The following DOCK5 variants were observed in gnomAD, a reference collection of about 807,000 sequenced individuals.
DOCK5 encodes the protein dedicator of cytokinesis protein 5.
Under a neutral mutation model 251.8 loss-of-function variants are expected in DOCK5, and 142 were observed. That is an observed-to-expected ratio of 0.56 (90% CI 0.49 to 0.65). The LOEUF is 0.65. Among genes scored for constraint, DOCK5 ranks in the 30% least tolerant of loss-of-function variants. The pLI, the probability that DOCK5 is intolerant of heterozygous loss-of-function variation, is 0.00. For synonymous variants in DOCK5, 842 were observed against 835.5 expected (o/e 1.01, Z -0.13); for missense variants, 2,111 against 2,312.3 (o/e 0.91, Z 1.79).
At chr8:25,324,889 A>T (rs1195995739) in intron 17 of DOCK5, among the ~76,000 whole-genome samples, 1 of 148,374 alleles carries the variant, frequency 6.7e-6, no homozygotes, top group African/African-American at 2.5e-5. Context: ...GAGTGAGAAC[A>T]TGCGGTGTTT....
intron 18 of DOCK5, among the ~76,000 whole-genome samples, chr8:25,326,477 C>T (rs1805566174): frequency 2.0e-5 from 3 of 152,150 alleles, no homozygotes; most frequent in Admixed American, 1.3e-4. Flanking sequence ...TGGCTAGACT[C>T]CACAGAGTGA....
chr8:25,325,478 A>C lies in DOCK5; in HGVS notation c.1834A>C (p.Ser612Arg). ...CAAAAACCTGGTCACCTTCACCCCA[A>C]GCAAGGATAGCACTAAAGACAGCTT... ...ASKNLVTFTPSKDSTKDSFQI... is the reference protein window; with the variant it reads ...ASKNLVTFTPRKDSTKDSFQI... The change falls in exon 18 of 52, where the codon AGC (serine) becomes CGC (arginine). Residue 612 changes from serine to arginine, a missense_variant. Ser to Arg is a moderately radical substitution (Grantham distance 110). Coordinates refer to ENST00000276440, the MANE Select transcript of DOCK5 (RefSeq NM_024940.8). 6.2e-7 allele frequency: 1 copy of C among 1,613,914 alleles called. No homozygotes were observed. The highest frequency in any genetic ancestry group is 1.1e-5 in the South Asian group (1 of 91,082).
intron 45 of DOCK5, 66 bp from the exon 46 acceptor site, chr8:25,399,845 C>A: frequency 7.9e-7 from 1 of 1,273,402 alleles, no homozygotes; most frequent in Non-Finnish European, 1.1e-6. Flanking sequence ...CATGTTTCAC[C>A]CTTCCAGGCT....
intron 12 of DOCK5, 71 bp downstream of exon 12, chr8:25,308,996 C>G: frequency 6.5e-7 from 1 of 1,539,080 alleles, no homozygotes. Context: ...GGTCCTTGGA[C>G]TCCTGCCCTT....
chr8:25,327,997 A>C (rs1805602859), intron 18 of DOCK5, among the ~76,000 whole-genome samples: 1 of 152,136 alleles, frequency 6.6e-6, no homozygotes, highest in African/African-American at 2.4e-5. Flanking sequence ...GCAAATACAT[A>C]CAATTTTTAT....
chr8:25,410,347 A>T (rs1801600266), intron 51 of DOCK5, 145 bp downstream of exon 51: 1 of 675,160 alleles, frequency 1.5e-6, no homozygotes, highest in African/African-American at 1.8e-5. Flanking sequence ...AAACCACAGG[A>T]GATAGAGAAG....
At chr8:25,279,552 C>T (rs940546955) in intron 5 of DOCK5, among the ~76,000 whole-genome samples, 3 of 151,926 alleles carry the variant, frequency 2.0e-5, no homozygotes, top group Non-Finnish European at 2.9e-5. Context: ...CTGCAAGCTC[C>T]GCCTCTTGGG....
intron 15 of DOCK5, 127 bp from the exon 16 acceptor site, chr8:25,320,853 A>T: frequency 1.3e-6 from 1 of 752,900 alleles, no homozygotes; most frequent in Non-Finnish European, 2.2e-6. Flanking sequence ...AATGAAACCT[A>T]TACCAAATCT....
chr8:25,304,557 G>A, intron 11 of DOCK5: 1 of 458,382 alleles, frequency 2.2e-6, no homozygotes, highest in Non-Finnish European at 3.8e-6. Context: ...AAGCATCAAA[G>A]GAATATAAAA....
intron 1 of DOCK5, among the ~76,000 whole-genome samples, chr8:25,207,165 C>T (rs575309108): frequency 6.6e-6 from 1 of 151,956 alleles, no homozygotes; most frequent in Admixed American, 6.6e-5. Context: ...ATTGATCGAC[C>T]ATAAGATTCA....
rs1481082296 is a variant in DOCK5 at position 25,254,785 on chromosome 8, AAAC to A, written c.127+11031_127+11033del. Reference sequence around the variant, plus strand: ...CAAGACTTTGTCTCAAAAAAAAACAAAACAAAACAAAAAAAAAAAACATTTGAT... The same window carrying A: ...CAAGACTTTGTCTCAAAAAAAAACAAAAAACAAAAAAAAAAAACATTTGAT... On this transcript the variant is annotated intron_variant, in intron 2 of 51. Coordinates refer to ENST00000276440, the MANE Select transcript of DOCK5 (RefSeq NM_024940.8). Among the ~76,000 whole-genome samples, 4 of 129,352 alleles carry A rather than the reference AAAC, an allele frequency of 3.1e-5. 1 individual carries two copies. The highest frequency in any genetic ancestry group is 1.5e-4 in the Admixed American group (2 of 13,486). 84.9% of individuals were successfully genotyped at this position (129,352 alleles called of 152,430 possible). A position where few individuals can be genotyped will look rare whatever the true frequency, so the allele number is the denominator to read the frequency against.
chr8:25,311,287 TA>T (rs1805089133), intron 13 of DOCK5, among the ~76,000 whole-genome samples: 1 of 152,024 alleles, frequency 6.6e-6, no homozygotes, highest in African/African-American at 2.4e-5. Flanking sequence ...CTCACGCCTG[TA>T]AAATCAGCAC....
Position 25,389,102 on chromosome 8 carries a change from C to G in DOCK5, c.4143C>G (p.Phe1381Leu). 6.2e-7 allele frequency: 1 copy of G among 1,613,870 alleles called. No individual in the cohort carries two copies. The highest frequency in any genetic ancestry group is 8.5e-7 in the Non-Finnish European group (1 of 1,179,824). ...TGTCTCACCTGCAGAATAAAATCTT[C>G]ATCTATCGGGGAAAGGAGTATGAGA... ...GFPSFLRNKI[F>L]IYRGKEYERR... Residue 1381 changes from phenylalanine (F) to leucine (L), a missense_variant, in exon 41 of 52, where the codon TTC (phenylalanine) becomes TTG (leucine). Coordinates refer to ENST00000276440, the MANE Select transcript of DOCK5 (RefSeq NM_024940.8).
chr8:25,282,981 A>G (rs112256346), intron 5 of DOCK5, among the ~76,000 whole-genome samples: 4 of 151,670 alleles, frequency 2.6e-5, no homozygotes, highest in African/African-American at 7.3e-5. Flanking sequence ...GTGGATCCAC[A>G]GTCTCATATG....
chr8:25,282,886 CTGTGA>C (rs1228540142), intron 5 of DOCK5, among the ~76,000 whole-genome samples: 8 of 128,466 alleles, frequency 6.2e-5, no homozygotes, highest in Non-Finnish European at 7.9e-5. Context: ...AAAAAGATAC[CTGTGA>C]TGTCTTAGAA....
intron 31 of DOCK5, 129 bp downstream of exon 31, chr8:25,367,099 A>C (rs904421407): frequency 1.3e-6 from 1 of 777,896 alleles, no homozygotes; most frequent in East Asian, 2.8e-5. Context: ...GTAAGTCTTC[A>C]ACTAATTACT....
At chr8:25,206,697 A>G (rs1229778562) in intron 1 of DOCK5, among the ~76,000 whole-genome samples, 1 of 152,226 alleles carries the variant, frequency 6.6e-6, no homozygotes, top group Non-Finnish European at 1.5e-5. Flanking sequence ...CACACTACCT[A>G]GAGGCCATTC....
chr8:25,244,683 C>G (rs1003240116), intron 2 of DOCK5, among the ~76,000 whole-genome samples: 1 of 152,062 alleles, frequency 6.6e-6, no homozygotes. Flanking sequence ...TGGGATGACA[C>G]AGGATGAGAA....
intron 46 of DOCK5, 52 bp from the exon 47 acceptor site, chr8:25,400,877 A>G (rs1176091420): frequency 1.9e-6 from 3 of 1,605,828 alleles, no homozygotes; most frequent in Admixed American, 1.7e-5. Context: ...CCAAATCAAA[A>G]CGATCCCTCT....
Sources: allele counts gnomAD v4.1 joint callset (sites outside exome capture counted in the v4.1 genomes callset), GRCh38; gene constraint gnomAD v4.1.1; transcripts MANE v1.5; gene names NCBI Gene and HGNC (gene_info 2026-07-23, HGNC 2026-07-21).